Variants in BCAS1 observed in about 807,000 individuals in gnomAD.
The protein encoded by BCAS1 is brain enriched myelin associated protein 1.
BCAS1 carries 46 observed loss-of-function variants against 65.4 expected under a neutral mutation model. The observed-to-expected ratio is 0.70, with a 90% confidence interval of 0.55 to 0.90. The LOEUF (loss-of-function observed/expected upper bound fraction) is 0.90, where lower values mean the gene tolerates loss of function less well. BCAS1 is among the 40% of genes least tolerant of loss of function. The probability of loss-of-function intolerance (pLI) is 0.00; values close to 1 mark genes in which losing one functional copy is unlikely to be tolerated. For synonymous variants in BCAS1, 298 were observed against 293.5 expected, an observed-to-expected ratio of 1.02 and a Z score of -0.16; for missense variants, 793 against 771.2, an observed-to-expected ratio of 1.03 and a Z score of -0.33.
chr20:53,999,113 T>A (rs2090994356), intron 4 of BCAS1, among the ~76,000 whole-genome samples: 1 of 152,176 alleles, frequency 6.6e-6, no homozygotes, highest in South Asian at 2.1e-4. Context: ...AAATGTAACA[T>A]CATATAAATT....
Position 54,028,824 on chromosome 20 carries a change from C to G in BCAS1, c.291G>C (p.Leu97Phe). The G allele has an allele frequency of 6.2e-7, 1 of 1,614,044 alleles. No individual in the cohort carries two copies. The highest frequency in any genetic ancestry group is 1.1e-5 in the South Asian group (1 of 91,082). ...EAPAAKSRFF[L>F]MLSRPVPGRT... ...GTCCTGGTACAGGCCGAGAGAGCAT[C>G]AAGAAAAAACGAGATTTAGCAGCTG... Residue 97 changes from leucine (L) to phenylalanine (F), a missense_variant, in exon 4 of 13, where the codon TTG (leucine) becomes TTC (phenylalanine). Transcript: ENST00000688948.
At chr20:54,021,176 G>C (rs1006289341) in intron 4 of BCAS1, among the ~76,000 whole-genome samples, 1 of 152,038 alleles carries the variant, frequency 6.6e-6, no homozygotes, top group African/African-American at 2.4e-5. Flanking sequence ...ACAGACACGT[G>C]ACTCAATTTC....
At chr20:53,996,200 G>T in intron 4 of BCAS1, 150 bp from the exon 5 acceptor site, 1 of 736,668 alleles carries the variant, frequency 1.4e-6, no homozygotes, top group Non-Finnish European at 2.1e-6. Context: ...GAGATTATAA[G>T]AGTCACTCTT....
intron 8 of BCAS1, among the ~76,000 whole-genome samples, chr20:53,981,592 C>A (rs2090482441): frequency 6.8e-6 from 1 of 147,768 alleles, no homozygotes; most frequent in African/African-American, 2.5e-5. Context: ...AGATAGATGT[C>A]ATTGGCCAAT....
At chr20:54,068,847 A>G (rs1427601469) in intron 1 of BCAS1, among the ~76,000 whole-genome samples, 2 of 152,116 alleles carry the variant, frequency 1.3e-5, no homozygotes, top group Non-Finnish European at 2.9e-5. Context: ...AGCAGGACAG[A>G]TGAGCCTGCA....
At chr20:54,003,055 C>A (rs6097720) in intron 4 of BCAS1, among the ~76,000 whole-genome samples, 10,680 of 152,100 alleles carry the variant, frequency 0.07, 1,228 homozygotes, top group African/African-American at 0.24. Flanking sequence ...GGTTGAGGAA[C>A]CCCAGCTGGG....
At position 54,028,584 on chromosome 20, in the gene BCAS1, T is replaced by C; in HGVS notation, c.531A>G (p.Thr177=). 1 of 1,613,526 alleles carries C rather than the reference T, an allele frequency of 6.2e-7. No individual in the cohort carries two copies. The highest frequency in any genetic ancestry group is 8.5e-7 in the Non-Finnish European group (1 of 1,179,396). Reference sequence around the variant, plus strand: ...AGGGAGCTTCTCCTCCTGCTCCCCCTGTCTCAGGTGGGAGAAGCGTGGGAT... The same window carrying C: ...AGGGAGCTTCTCCTCCTGCTCCCCCCGTCTCAGGTGGGAGAAGCGTGGGAT... ...ARDPTLLPPE[T]GGAGGEAPSK... is the part of the protein sequence containing the mutation. The change falls in exon 4 of 13, where the codon ACA becomes ACG. Residue 177 remains threonine, a synonymous_variant. Coordinates refer to ENST00000688948, the MANE Select transcript of BCAS1 (RefSeq NM_001366298.2).
Position 54,036,849 on chromosome 20 carries a change from A to C in BCAS1, c.143-7877T>G, listed in dbSNP as rs1374764931. 2.0e-5 allele frequency among the ~76,000 whole-genome samples: 3 copies of C among 151,492 alleles called. No individual in the cohort carries two copies. In the East Asian group the frequency reaches 5.8e-4, roughly 29 times the overall value. ...TTGAGTTTTCTAGAAAGACTTTTAA[A>C]AACAGTAGTGATATAAATCAATTTA... On this transcript the variant is annotated intron_variant, in intron 3 of 12. Coordinates refer to ENST00000688948, the MANE Select transcript of BCAS1 (RefSeq NM_001366298.2).
chr20:53,953,854 A>G (rs1347876360), intron 11 of BCAS1, among the ~76,000 whole-genome samples, 159 bp from the exon 12 acceptor site: 1 of 152,178 alleles, frequency 6.6e-6, no homozygotes, highest in Non-Finnish European at 1.5e-5. Context: ...TAAAATGTGC[A>G]CTTATGAAGT....
In BCAS1 at chr20:54,015,344, TAA is replaced by T. The variant is rs1225172029; in HGVS notation, c.723+13046_723+13047del. Among the ~76,000 whole-genome samples, 6 of 152,182 alleles carry T rather than the reference TAA, an allele frequency of 3.9e-5. No homozygotes were observed. The East Asian group carries it at 1.2e-3, about 29-fold the overall frequency. ...ACCATGCCCAAACTCTTTTTTTTTT[TAA>T]GTTTGTTTTACTACAGTGCTCAAAG... On this transcript the variant is annotated intron_variant, in intron 4 of 12. Transcript: ENST00000688948.
chr20:53,980,289 A>C (rs1387006152), intron 8 of BCAS1, among the ~76,000 whole-genome samples: 4 of 152,204 alleles, frequency 2.6e-5, no homozygotes, highest in Non-Finnish European at 4.4e-5. Context: ...TAACTGATAA[A>C]AATTTTGAAT....
rs2092331663 is a variant in BCAS1 at position 54,058,529 on chromosome 20, CACACAG to C, written c.72+112_72+117del. 8.7e-6 allele frequency: 13 copies of C among 1,490,904 alleles called. No individual in the cohort carries two copies. The South Asian group carries it at 1.8e-4, about 20-fold the overall frequency. 92.4% of individuals were successfully genotyped at this position (1,490,904 alleles called of 1,614,324 possible). A position where few individuals can be genotyped will look rare whatever the true frequency, so the allele number is the denominator to read the frequency against. On this transcript the variant is annotated intron_variant, in intron 2 of 12. Coordinates refer to ENST00000688948, the MANE Select transcript of BCAS1 (RefSeq NM_001366298.2). ...GTTATCCTCGCTCCACTGTCTTGCACACACAGACACAATCAATCAGCAGCCAGGACT... is the reference window on the plus strand; with the variant it reads ...GTTATCCTCGCTCCACTGTCTTGCACACACAATCAATCAGCAGCCAGGACT...
At chr20:54,050,451 T>C (rs913714566) in intron 3 of BCAS1, among the ~76,000 whole-genome samples, 1 of 152,184 alleles carries the variant, frequency 6.6e-6, no homozygotes, top group Non-Finnish European at 1.5e-5. Flanking sequence ...TTGCACTCCC[T>C]AGTGTATGCA....
At chr20:54,055,694 T>C (rs2092287179) in intron 3 of BCAS1, among the ~76,000 whole-genome samples, 2 of 152,198 alleles carry the variant, frequency 1.3e-5, no homozygotes, top group Non-Finnish European at 2.9e-5. Context: ...AAGTGGTAGC[T>C]GTAGCCCCAG....
chr20:53,984,419 C>T (rs1218055265), intron 8 of BCAS1, among the ~76,000 whole-genome samples: 1 of 152,192 alleles, frequency 6.6e-6, no homozygotes, highest in African/African-American at 2.4e-5. Flanking sequence ...AGCAAACAGG[C>T]AAGGGGCCCC....
chr20:54,006,904 CG>C (rs1367052109), intron 4 of BCAS1, among the ~76,000 whole-genome samples: 16 of 152,062 alleles, frequency 1.1e-4, no homozygotes, highest in Admixed American at 1.0e-3. Flanking sequence ...GGGAAAAAAC[CG>C]AAGTGGACAA....
At chr20:54,030,440 A>C (rs553103220) in intron 3 of BCAS1, among the ~76,000 whole-genome samples, 1 of 152,380 alleles carries the variant, frequency 6.6e-6, no homozygotes, top group African/African-American at 2.4e-5. Context: ...ATAACTTTTC[A>C]GGTTTCTCTC....
chr20:54,021,807 T>G (rs773883474), intron 4 of BCAS1, among the ~76,000 whole-genome samples: 41 of 152,142 alleles, frequency 2.7e-4, no homozygotes, highest in Admixed American at 9.8e-4. Flanking sequence ...GGATGATAGG[T>G]GCAGCAAACC....
At chr20:53,945,019 G>A (rs776341797) in intron 12 of BCAS1, 23 bp from the exon 13 acceptor site, 35 of 1,609,338 alleles carry the variant, frequency 2.2e-5, no homozygotes, top group Non-Finnish European at 3.0e-5. Flanking sequence ...AGAAAGACGT[G>A]GCAGCCTATT....
Sources: allele counts gnomAD v4.1 joint callset (sites outside exome capture counted in the v4.1 genomes callset), GRCh38; gene constraint gnomAD v4.1.1; transcripts MANE v1.5; gene names NCBI Gene and HGNC (gene_info 2026-07-23, HGNC 2026-07-21).